APBA1: variants seen among roughly 807,000 people sequenced by gnomAD.
The protein encoded by APBA1 is amyloid beta precursor protein binding family A member 1.
In APBA1, 55 loss-of-function variants were observed where a neutral mutation model predicts 86.6. The ratio of observed to expected loss-of-function variants is 0.64; its 90% CI spans 0.51 to 0.80. The LOEUF (loss-of-function observed/expected upper bound fraction) is 0.80, where lower values mean the gene tolerates loss of function less well. Among genes scored for constraint, APBA1 ranks in the 30% least tolerant of loss-of-function variants. The pLI, the probability that APBA1 is intolerant of heterozygous loss-of-function variation, is 0.00. For synonymous variants in APBA1, 511 were observed against 493.9 expected (o/e 1.03, Z -0.46); for missense variants, 1,090 against 1,183.0 (o/e 0.92, Z 1.15).
chr9:69,563,544 G>A (rs1378590159), intron 1 of APBA1, among the ~76,000 whole-genome samples: 8 of 152,108 alleles, frequency 5.3e-5, no homozygotes, highest in Non-Finnish European at 1.2e-4. Context: ...ACCAAATCAC[G>A]GTGGCCATAC....
chr9:69,670,926 G>C (rs1487122087), intron 1 of APBA1, among the ~76,000 whole-genome samples: 2 of 152,168 alleles, frequency 1.3e-5, no homozygotes, highest in Admixed American at 1.3e-4. Context: ...TAGAAATAAA[G>C]TATCCTGTTT....
In APBA1 at chr9:69,645,942, G is replaced by A. The variant is rs75023958; in HGVS notation, c.-70+26211C>T. 6.7e-4 allele frequency among the ~76,000 whole-genome samples: 102 copies of A among 152,312 alleles called. 1 individual carries two copies. The East Asian group carries it at 0.019, about 28-fold the overall frequency. On this transcript the variant is annotated intron_variant, in intron 1 of 12. Transcript: ENST00000265381. ...TAGCCAGAGTCATTTTCTGTTGCTAGTGTCTAAGAACTCTGACTGATACAC... is the reference window on the plus strand; with the variant it reads ...TAGCCAGAGTCATTTTCTGTTGCTAATGTCTAAGAACTCTGACTGATACAC...
rs1339516386 is a variant in APBA1, at chr9:69,431,342, C to T, written c.2499G>A (p.Gln833=). Residue 833 remains glutamine, a synonymous_variant, in exon 13 of 13, where the codon CAG becomes CAA. Coordinates refer to ENST00000265381, the MANE Select transcript of APBA1 (RefSeq NM_001163.4). ...AMYRLLTAQE[Q]PVYI The stretch of plus-strand genomic sequence containing the variant: ...GTGGCCGCGGTCAGATGTAAACAGG[C>T]TGCTCCTGGGCCGTCAGCAGCCTGT... The T allele has an allele frequency of 6.2e-7, 1 of 1,611,888 alleles. No individual in the cohort carries two copies. Among genetic ancestry groups the T allele is most frequent in the African/African-American group, 1.3e-5 (1 of 74,916 alleles).
chr9:69,647,021 C>T (rs1462579147), intron 1 of APBA1, among the ~76,000 whole-genome samples: 1 of 152,162 alleles, frequency 6.6e-6, no homozygotes, highest in Non-Finnish European at 1.5e-5. Context: ...GCCAATACTG[C>T]CTGCATTTTC....
intron 1 of APBA1, among the ~76,000 whole-genome samples, chr9:69,526,531 A>C (rs185555307): frequency 6.6e-6 from 1 of 152,270 alleles, no homozygotes; most frequent in East Asian, 1.9e-4. Flanking sequence ...GTAGCACTTC[A>C]CCCAATCAGA....
At chr9:69,466,667 G>A (rs1286996249) in intron 5 of APBA1, among the ~76,000 whole-genome samples, 1 of 152,178 alleles carries the variant, frequency 6.6e-6, no homozygotes, top group Non-Finnish European at 1.5e-5. Flanking sequence ...TCCCTGCCAA[G>A]ACCCTGCACA....
chr9:69,580,754 G>A (rs1821898849), intron 1 of APBA1, among the ~76,000 whole-genome samples: 1 of 152,132 alleles, frequency 6.6e-6, no homozygotes, highest in Non-Finnish European at 1.5e-5. Context: ...TACTGATTGA[G>A]CCTACAGAAT....
Position 69,496,734 on chromosome 9 carries a change from C to A in APBA1, c.1200+19277G>T, listed in dbSNP as rs191242582. On this transcript the variant is annotated intron_variant, in intron 2 of 12. Transcript: ENST00000265381. ...GGGCATCTCTCAAAACACTTTCTTC[C>A]GTCTATTAATTATTTAAAGAGAGAA... Among the ~76,000 whole-genome samples the A allele has an allele frequency of 1.8e-3, 269 of 152,066 alleles. 1 individual carries two copies. Among genetic ancestry groups the A allele is most frequent in the African/African-American group, 6.0e-3 (250 of 41,432 alleles).
chr9:69,566,089 G>A (rs991952783), intron 1 of APBA1, among the ~76,000 whole-genome samples: 2 of 152,096 alleles, frequency 1.3e-5, no homozygotes, highest in Non-Finnish European at 2.9e-5. Flanking sequence ...GCCAGCCTCC[G>A]CTCATTCTCC....
intron 2 of APBA1, among the ~76,000 whole-genome samples, chr9:69,511,991 T>A (rs1836054105): frequency 6.6e-6 from 1 of 151,754 alleles, no homozygotes; most frequent in Admixed American, 6.6e-5. Context: ...AGTTAGTGGG[T>A]GCAGCGCACC....
intron 1 of APBA1, among the ~76,000 whole-genome samples, chr9:69,667,255 G>T (rs1037166838): frequency 3.9e-5 from 6 of 152,140 alleles, no homozygotes; most frequent in African/African-American, 1.4e-4. Flanking sequence ...ACTGTATTTA[G>T]TGAGATTAAA....
rs79957909 is a variant in APBA1 at position 69,544,916 on chromosome 9, T to C, written c.-69-27637A>G. Among the ~76,000 whole-genome samples, 5 of 152,330 alleles carry C rather than the reference T, an allele frequency of 3.3e-5. No individual in the cohort carries two copies. In the East Asian group the frequency reaches 5.8e-4, roughly 18 times the overall value. On this transcript the variant is annotated intron_variant, in intron 1 of 12. Coordinates refer to ENST00000265381, the MANE Select transcript of APBA1 (RefSeq NM_001163.4). ...GGCCCACCGGTTAAAATCCAATGTATGGTTCTTCAATGAAGCTAGAAGACA... is the reference window on the plus strand; with the variant it reads ...GGCCCACCGGTTAAAATCCAATGTACGGTTCTTCAATGAAGCTAGAAGACA...
At chr9:69,566,922 G>A (rs747599192) in intron 1 of APBA1, among the ~76,000 whole-genome samples, 2 of 152,106 alleles carry the variant, frequency 1.3e-5, no homozygotes, top group Non-Finnish European at 2.9e-5. Context: ...CTACTTGTGT[G>A]TCAGGGCTGT....
chr9:69,485,091 C>T (rs148799332), intron 2 of APBA1, among the ~76,000 whole-genome samples: 55 of 152,016 alleles, frequency 3.6e-4, no homozygotes, highest in African/African-American at 1.3e-3. Flanking sequence ...ACTGGGGTTA[C>T]AGGTGTGAGC....
upstream of APBA1, chr9:69,672,402 C>G (rs764718661): frequency 6.6e-6 from 1 of 151,936 alleles, no homozygotes; most frequent in Non-Finnish European, 1.5e-5. Context: ...CCCTCCCTCC[C>G]GCCCTCCAGC....
chr9:69,562,444 G>C (rs1195730480), intron 1 of APBA1, among the ~76,000 whole-genome samples: 1 of 150,730 alleles, frequency 6.6e-6, no homozygotes, highest in East Asian at 2.0e-4. Context: ...GCATGATCTC[G>C]GCTCACTGCA....
intron 1 of APBA1, among the ~76,000 whole-genome samples, chr9:69,570,336 T>C (rs1423845085): frequency 6.6e-6 from 1 of 152,138 alleles, no homozygotes; most frequent in African/African-American, 2.4e-5. Flanking sequence ...AGCTGCCCAG[T>C]GTTCAAAGAT....
chr9:69,581,953 C>A (rs969791046), intron 1 of APBA1, among the ~76,000 whole-genome samples: 2 of 152,064 alleles, frequency 1.3e-5, no homozygotes, highest in Non-Finnish European at 2.9e-5. Context: ...TGATAGAGTC[C>A]CAGATCCAAG....
chr9:69,497,257 T>C (rs751436631), intron 2 of APBA1, among the ~76,000 whole-genome samples: 1 of 151,892 alleles, frequency 6.6e-6, no homozygotes, highest in Non-Finnish European at 1.5e-5. Context: ...GATGGAAGCA[T>C]GAAGAGGAGG....
Sources: gnomAD v4.1 joint callset for allele counts (sites outside exome capture counted in the v4.1 genomes callset) on GRCh38, gnomAD v4.1.1 for gene constraint, MANE v1.5 for transcripts, NCBI Gene and HGNC (gene_info 2026-07-23, HGNC 2026-07-21) for gene names.